DPH6: variants seen among roughly 807,000 people sequenced by gnomAD.
The protein encoded by DPH6 is diphthamine biosynthesis 6.
Under a neutral mutation model 38.2 loss-of-function variants are expected in DPH6, and 33 were observed. The ratio of observed to expected loss-of-function variants is 0.86; its 90% CI spans 0.65 to 1.15. DPH6 has a LOEUF of 1.15. Ranked by LOEUF, DPH6 falls within the 50% of genes most tolerant of loss-of-function variation. DPH6 has a pLI of 0.00. For missense variants in DPH6, 325 were observed against 320.0 expected (o/e 1.02, Z -0.12); for synonymous variants, 108 against 103.0 (o/e 1.05, Z -0.30).
intron 3 of DPH6, among the ~76,000 whole-genome samples, chr15:35,459,927 A>G (rs2054042836): frequency 6.6e-6 from 1 of 152,212 alleles, no homozygotes; most frequent in African/African-American, 2.4e-5. Context: ...CCAAAATACT[A>G]TTAAACTGAT....
intron 5 of DPH6, among the ~76,000 whole-genome samples, chr15:35,418,032 T>C (rs1452162652): frequency 6.6e-6 from 1 of 152,138 alleles, no homozygotes; most frequent in Non-Finnish European, 1.5e-5. Flanking sequence ...AAGCTTCGAT[T>C]TACCTCAGTC....
At chr15:35,532,341 T>C (rs1298839785) in intron 3 of DPH6, among the ~76,000 whole-genome samples, 2 of 152,220 alleles carry the variant, frequency 1.3e-5, no homozygotes, top group African/African-American at 2.4e-5. Context: ...AGGGCAATAC[T>C]GAAGGCAAGT....
chr15:35,397,907 A>ATC, intron 6 of DPH6, among the ~76,000 whole-genome samples: 1 of 146,676 alleles, frequency 6.8e-6, no homozygotes, highest in African/African-American at 2.7e-5. Flanking sequence ...ACACACACAC[A>ATC]CACACACAAG....
chr15:35,414,674 T>G (rs904786715), intron 5 of DPH6, among the ~76,000 whole-genome samples: 2 of 151,742 alleles, frequency 1.3e-5, no homozygotes, highest in African/African-American at 4.8e-5. Flanking sequence ...TTTTTTCCTC[T>G]GTCTGTGGCT....
intron 3 of DPH6, among the ~76,000 whole-genome samples, chr15:35,499,585 T>G (rs2054600012): frequency 6.6e-6 from 1 of 152,092 alleles, no homozygotes; most frequent in Non-Finnish European, 1.5e-5. Flanking sequence ...AGGGAAGAAT[T>G]AAAAAAGATG....
At chr15:35,542,648 T>A in intron 1 of DPH6, 141 bp from the exon 2 acceptor site, 1 of 795,568 alleles carries the variant, frequency 1.3e-6, no homozygotes. Context: ...CATTAATTTC[T>A]AAATCATAAA....
chr15:35,481,761 C>T (rs755368261), intron 3 of DPH6, among the ~76,000 whole-genome samples: 3 of 152,100 alleles, frequency 2.0e-5, no homozygotes, highest in Non-Finnish European at 4.4e-5. Flanking sequence ...TTAATTGTAG[C>T]TGGCTAATAA....
the DPH6 span, among the ~76,000 whole-genome samples, chr15:35,166,741 C>T: frequency 2.6e-5 from 4 of 151,786 alleles, no homozygotes; most frequent in African/African-American, 9.7e-5. Context: ...AGGATTAAAA[C>T]AAAAAGGATG....
At chr15:35,443,640 C>T (rs1053572426) in intron 5 of DPH6, among the ~76,000 whole-genome samples, 3 of 152,144 alleles carry the variant, frequency 2.0e-5, no homozygotes, top group African/African-American at 7.2e-5. Context: ...TCTCCAAGGT[C>T]CTGGTCTCAA....
intron 7 of DPH6, among the ~76,000 whole-genome samples, chr15:35,379,097 C>T (rs1345581667): frequency 6.6e-6 from 1 of 152,194 alleles, no homozygotes; most frequent in Non-Finnish European, 1.5e-5. Context: ...CATTTCTTGG[C>T]TCATGGCTCC....
At chr15:35,306,017 A>G (rs1230841799) in intron 3 of DPH6, among the ~76,000 whole-genome samples, 1 of 152,104 alleles carries the variant, frequency 6.6e-6, no homozygotes, top group Non-Finnish European at 1.5e-5. Context: ...CTGGGCCCCT[A>G]GCCTTAAGAC....
chr15:35,521,651 G>A, intron 3 of DPH6: 1 of 1,230,438 alleles, frequency 8.1e-7, no homozygotes. Context: ...TTAATATGCA[G>A]GATATTTAAC....
intron 3 of DPH6, among the ~76,000 whole-genome samples, chr15:35,356,994 C>A (rs1270573089): frequency 6.6e-6 from 1 of 152,170 alleles, no homozygotes; most frequent in African/African-American, 2.4e-5. Flanking sequence ...GGGTGCCTCT[C>A]CCCCAGCCTC....
At chr15:35,315,837 A>C (rs1020815358) in intron 3 of DPH6, among the ~76,000 whole-genome samples, 14 of 152,244 alleles carry the variant, frequency 9.2e-5, no homozygotes, top group African/African-American at 3.1e-4. Flanking sequence ...GTATAGATAC[A>C]CAATGAAATA....
At chr15:35,333,192 A>T (rs2052340808) in intron 3 of DPH6, among the ~76,000 whole-genome samples, 1 of 152,178 alleles carries the variant, frequency 6.6e-6, no homozygotes, top group South Asian at 2.1e-4. Context: ...GATGAAAAAG[A>T]CCAATATCTG....
chr15:35,156,011 A>G, the DPH6 span, among the ~76,000 whole-genome samples: 5 of 152,212 alleles, frequency 3.3e-5, no homozygotes, highest in African/African-American at 9.6e-5. Context: ...AACATTTTAT[A>G]TTCTTTCACC....
intron 3 of DPH6, among the ~76,000 whole-genome samples, chr15:35,300,822 T>C (rs2052049538): frequency 6.6e-6 from 1 of 152,308 alleles, no homozygotes; most frequent in South Asian, 2.1e-4. Flanking sequence ...TCTGTGCCCC[T>C]GTAAGCTTAC....
the DPH6 span, among the ~76,000 whole-genome samples, chr15:35,161,940 G>A: frequency 2.0e-5 from 3 of 151,924 alleles, no homozygotes; most frequent in East Asian, 5.8e-4. Context: ...TTCTCCTCAG[G>A]TTACCCCATT....
At chr15:35,328,735 A>G (rs2052304722), downstream of DPH6, among the ~76,000 whole-genome samples, 1 of 152,232 alleles carries the variant, frequency 6.6e-6, no homozygotes, top group South Asian at 2.1e-4. Context: ...CATTAGTCCA[A>G]ACAAAGACAC....
Sources: gnomAD v4.1 joint callset for allele counts (sites outside exome capture counted in the v4.1 genomes callset) on GRCh38, gnomAD v4.1.1 for gene constraint, MANE v1.5 for transcripts, NCBI Gene and HGNC (gene_info 2026-07-23, HGNC 2026-07-21) for gene names.